CCIN: variants seen among roughly 807,000 people sequenced by gnomAD.
CCIN encodes the protein calicin.
In CCIN, 15 loss-of-function variants were observed where a neutral mutation model predicts 32.2. The observed-to-expected ratio is 0.47, with a 90% CI of 0.31 to 0.72. The LOEUF is 0.72. CCIN is among the 30% of genes least tolerant of loss of function. CCIN has a pLI of 0.05. For synonymous variants in CCIN, 302 were observed against 297.4 expected, an observed-to-expected ratio of 1.02 and a Z score of -0.16; for missense variants, 623 against 759.4, an observed-to-expected ratio of 0.82 and a Z score of 2.11.
At position 36,170,378 on chromosome 9, in the gene CCIN, G is replaced by A; in HGVS notation, c.876G>A (p.Gln292=). 3 of 1,614,182 alleles carry A rather than the reference G, an allele frequency of 1.9e-6. No homozygotes were observed. The highest frequency in any genetic ancestry group is 1.7e-6 in the Non-Finnish European group (2 of 1,180,048). ...VILGGQKAHG[Q]FNDGVFAYII... ...TCGGTGGCCAGAAGGCCCACGGCCA[G>A]TTCAATGATGGAGTGTTTGCTTATA... The change falls in exon 1 of 1, where the codon CAG becomes CAA. Residue 292 remains glutamine, a synonymous_variant. Transcript: ENST00000335119.
In CCIN at chr9:36,169,663, G is replaced by A. The variant is rs760083567; in HGVS notation, c.161G>A (p.Arg54Lys). The A allele has an allele frequency of 1.2e-6, 2 of 1,614,216 alleles. No homozygotes were observed. The highest frequency in any genetic ancestry group is 2.2e-5 in the South Asian group (2 of 91,082). ...NVLAAVSPLV[R>K]SLISSNDMKT... ...CTGGCTGCTGTCTCCCCACTGGTGA[G>A]GAGCCTCATCTCCAGCAATGACATG... The change falls in exon 1 of 1, where the codon AGG becomes AAG. Residue 54 changes from arginine to lysine, a missense_variant. Physicochemically the swap from Arg to Lys is conservative, Grantham distance 26. Transcript: ENST00000335119.
Position 36,169,595 on chromosome 9 carries a change from C to A in CCIN, c.93C>A (p.Ala31=). Residue 31 remains alanine, a synonymous_variant, in exon 1 of 1, where the codon GCC becomes GCA. Transcript: ENST00000335119. The part of the protein sequence containing the change: ...QRKRKEYWDM[A]LSVDNHVFFA... The stretch of plus-strand genomic sequence containing the variant: ...AACGCAAAGAGTACTGGGACATGGC[C>A]CTGAGTGTGGACAACCACGTCTTCT... The A allele has an allele frequency of 6.2e-7, 1 of 1,614,190 alleles. No homozygotes were observed. The highest frequency in any genetic ancestry group is 8.5e-7 in the Non-Finnish European group (1 of 1,180,048).
At position 36,170,211 on chromosome 9, in the gene CCIN, A is replaced by G. The variant is rs1173804031; in HGVS notation, c.709A>G (p.Ser237Gly). ...AVSNKTLVFASNKLVGMENTS... is the reference protein window; with the variant it reads ...AVSNKTLVFAGNKLVGMENTS... ...CTCCAATAAGACGCTGGTGTTTGCCAGCAACAAGCTGGTGGGCATGGAGAA... is the reference window on the plus strand; with the variant it reads ...CTCCAATAAGACGCTGGTGTTTGCCGGCAACAAGCTGGTGGGCATGGAGAA... The change falls in exon 1 of 1, where the codon AGC becomes GGC. Residue 237 changes from serine (S) to glycine (G), a missense_variant. Ser to Gly is a moderately conservative substitution (Grantham distance 56). Transcript: ENST00000335119. 6.2e-7 allele frequency: 1 copy of G among 1,614,200 alleles called. No homozygotes were observed. Among genetic ancestry groups the G allele is most frequent in the Non-Finnish European group, 8.5e-7 (1 of 1,180,034 alleles).
rs367980265 is a variant in CCIN at position 36,169,738 on chromosome 9, C to T, written c.236C>T (p.Pro79Leu). The T allele has an allele frequency of 8.1e-6, 13 of 1,614,026 alleles. No homozygotes were observed. The highest frequency in any genetic ancestry group is 2.7e-5 in the African/African-American group (2 of 74,916). ...ACCATTGACACCAGTTACCTGAGCCCGGTCACAGTGGACCAGCTTCTGGAC... is the reference window on the plus strand; with the variant it reads ...ACCATTGACACCAGTTACCTGAGCCTGGTCACAGTGGACCAGCTTCTGGAC... ...FITIDTSYLS[P>L]VTVDQLLDYF... The change falls in exon 1 of 1, where the codon CCG (proline) becomes CTG (leucine). Residue 79 changes from proline to leucine, a missense_variant. Coordinates refer to ENST00000335119, the MANE Select transcript of CCIN (RefSeq NM_005893.3).
At position 36,169,822 on chromosome 9, in the gene CCIN, G is replaced by C. The variant is rs1826284038; in HGVS notation, c.320G>C (p.Gly107Ala). The change falls in exon 1 of 1, where the codon GGG (glycine) becomes GCG (alanine). Residue 107 changes from glycine (G) to alanine (A), a missense_variant. Gly to Ala is a moderately conservative substitution (Grantham distance 60). Coordinates refer to ENST00000335119, the MANE Select transcript of CCIN (RefSeq NM_005893.3). ...SEQNVEELLR[G>A]AQYFNTPRLR... is the part of the protein sequence containing the mutation. ...CAAAATGTGGAGGAGCTGCTTCGTG[G>C]GGCTCAGTATTTCAACACACCACGC... 1 of 1,613,988 alleles carries C rather than the reference G, an allele frequency of 6.2e-7. No homozygotes were observed. Among genetic ancestry groups the C allele is most frequent in the African/African-American group, 1.3e-5 (1 of 74,882 alleles).
rs770487731 is a variant in CCIN at position 36,170,107 on chromosome 9, T to A, written c.605T>A (p.Ile202Asn). 2 of 1,614,178 alleles carry A rather than the reference T, an allele frequency of 1.2e-6. No homozygotes were observed. Among genetic ancestry groups the A allele is most frequent in the East Asian group, 4.5e-5 (2 of 44,872 alleles). Residue 202 changes from isoleucine to asparagine, a missense_variant, in exon 1 of 1, where the codon ATC becomes AAC. Coordinates refer to ENST00000335119, the MANE Select transcript of CCIN (RefSeq NM_005893.3). ...GAAGACCAGGCGCTCAGCGCACTCA[T>A]CAATTGGGTGTACTTCCGGAAGGAG... ...LNEDQALSAL[I>N]NWVYFRKEDR...
In CCIN at chr9:36,170,928, G is replaced by A. The variant is rs760720616; in HGVS notation, c.1426G>A (p.Asp476Asn). 2 of 1,614,198 alleles carry A rather than the reference G, an allele frequency of 1.2e-6. No individual in the cohort carries two copies. The highest frequency in any genetic ancestry group is 2.2e-5 in the East Asian group (1 of 44,890). ...NHRPLLSFQQ[D>N]NILCVHSHRQ... Reference sequence around the variant, plus strand: ...TCGGCCCCTGCTCTCTTTCCAACAGGACAACATCCTCTGCGTGCACAGCCA... The same window carrying A: ...TCGGCCCCTGCTCTCTTTCCAACAGAACAACATCCTCTGCGTGCACAGCCA... The change falls in exon 1 of 1, where the codon GAC (aspartate) becomes AAC (asparagine). Residue 476 changes from aspartate (D) to asparagine (N), a missense_variant. By Grantham distance (23) the Asp-to-Asn change is conservative. Transcript: ENST00000335119.
Position 36,169,999 on chromosome 9 carries a change from C to T in CCIN, c.497C>T (p.Pro166Leu), listed in dbSNP as rs1254404712. Residue 166 changes from proline to leucine, a missense_variant, in exon 1 of 1, where the codon CCT becomes CTT. Physicochemically the swap from Pro to Leu is moderately conservative, Grantham distance 98. Coordinates refer to ENST00000335119, the MANE Select transcript of CCIN (RefSeq NM_005893.3). Reference protein sequence around the residue: ...IRDNFHYWASPEGSMHFMRCP... With the variant: ...IRDNFHYWASLEGSMHFMRCP... ...GACAACTTCCACTACTGGGCCAGTC[C>T]TGAGGGCTCCATGCACTTCATGCGC... 7 of 1,614,066 alleles carry T rather than the reference C, an allele frequency of 4.3e-6. No homozygotes were observed. The highest frequency in any genetic ancestry group is 5.1e-6 in the Non-Finnish European group (6 of 1,180,034).
Position 36,170,294 on chromosome 9 carries a change from G to T in CCIN, c.792G>T (p.Arg264=). ...TCCTGATGGACCGCAAGCAGGAGCG[G>T]CCATGCAGCCTGCTGGTCTACCAGC... ...ESVLMDRKQE[R]PCSLLVYQRK... is the part of the protein sequence containing the mutation. The change falls in exon 1 of 1, where the codon CGG becomes CGT. Residue 264 remains arginine, a synonymous_variant. Transcript: ENST00000335119. The T allele has an allele frequency of 1.2e-5, 20 of 1,614,132 alleles. No homozygotes were observed. The highest frequency in any genetic ancestry group is 1.6e-5 in the Non-Finnish European group (19 of 1,180,026).
rs771115986 is a variant in CCIN, at chr9:36,170,754, G to A, written c.1252G>A (p.Val418Met). Residue 418 changes from valine (V) to methionine (M), a missense_variant, in exon 1 of 1, where the codon GTG (valine) becomes ATG (methionine). Coordinates refer to ENST00000335119, the MANE Select transcript of CCIN (RefSeq NM_005893.3). ...KMSIPMDGTA[V>M]ITKGDRHLYI... ...GAGCATCCCCATGGATGGCACCGCC[G>A]TGATCACTAAAGGAGACAGGCATCT... 40 of 1,614,294 alleles carry A rather than the reference G, an allele frequency of 2.5e-5. No individual in the cohort carries two copies. In the South Asian group the frequency reaches 3.4e-4, roughly 14 times the overall value.
chr9:36,169,726 G>T lies in CCIN; in HGVS notation c.224G>T (p.Ser75Ile). 6.2e-7 allele frequency: 1 copy of T among 1,614,030 alleles called. No individual in the cohort carries two copies. Among genetic ancestry groups the T allele is most frequent in the East Asian group, 2.2e-5 (1 of 44,878 alleles). ...ADELFITIDT[S>I]YLSPVTVDQL... The stretch of plus-strand genomic sequence containing the variant: ...GAGCTTTTCATCACCATTGACACCA[G>T]TTACCTGAGCCCGGTCACAGTGGAC... The change falls in exon 1 of 1, where the codon AGT becomes ATT. Residue 75 changes from serine to isoleucine, a missense_variant. Coordinates refer to ENST00000335119, the MANE Select transcript of CCIN (RefSeq NM_005893.3).
Position 36,170,466 on chromosome 9 carries a change from G to A in CCIN, c.964G>A (p.Ala322Thr). 8 of 1,614,090 alleles carry A rather than the reference G, an allele frequency of 5.0e-6. No homozygotes were observed. Among genetic ancestry groups the A allele is most frequent in the Non-Finnish European group, 6.8e-6 (8 of 1,180,042 alleles). Residue 322 changes from alanine (A) to threonine (T), a missense_variant, in exon 1 of 1, where the codon GCC becomes ACC. Coordinates refer to ENST00000335119, the MANE Select transcript of CCIN (RefSeq NM_005893.3). ...DMPYRAAALSATSAGRYIYIS... is the reference protein window; with the variant it reads ...DMPYRAAALSTTSAGRYIYIS... ...GCCCTATCGGGCAGCAGCACTTAGT[G>A]CCACCTCTGCTGGTCGCTACATCTA...
In CCIN at chr9:36,170,698, G is replaced by A. The variant is rs761318606; in HGVS notation, c.1196G>A (p.Arg399Gln). The change falls in exon 1 of 1, where the codon CGG (arginine) becomes CAG (glutamine). Residue 399 changes from arginine to glutamine, a missense_variant. By Grantham distance (43) the Arg-to-Gln change is conservative. Transcript: ENST00000335119. ...TCCAACATCTATCGCTATGATGAGC[G>A]GAAGGAAGTCTGGTGCCTGGCAGGA... is the stretch of plus-strand genomic sequence containing the variant. The part of the protein sequence containing the change: ...YVSNIYRYDE[R>Q]KEVWCLAGKM... The A allele has an allele frequency of 2.8e-5, 45 of 1,614,164 alleles. 1 individual carries two copies. Among genetic ancestry groups the A allele is most frequent in the South Asian group, 2.6e-4 (24 of 91,094 alleles).
rs934956815 is a variant in CCIN at position 36,170,194 on chromosome 9, A to C, written c.692A>C (p.Lys231Thr). The change falls in exon 1 of 1, where the codon AAG (lysine) becomes ACG (threonine). Residue 231 changes from lysine to threonine, a missense_variant. Lys to Thr is a moderately conservative substitution (Grantham distance 78). Coordinates refer to ENST00000335119, the MANE Select transcript of CCIN (RefSeq NM_005893.3). ...ATCAATCTCAATGCTGTCTCCAATAAGACGCTGGTGTTTGCCAGCAACAAG... is the reference window on the plus strand; with the variant it reads ...ATCAATCTCAATGCTGTCTCCAATACGACGCTGGTGTTTGCCAGCAACAAG... ...NYINLNAVSN[K>T]TLVFASNKLV... is the part of the protein sequence containing the mutation. 6.2e-7 allele frequency: 1 copy of C among 1,614,106 alleles called. No homozygotes were observed. The highest frequency in any genetic ancestry group is 8.5e-7 in the Non-Finnish European group (1 of 1,180,050).
In CCIN at chr9:36,170,635, A is replaced by G; in HGVS notation, c.1133A>G (p.Tyr378Cys). 6.2e-7 allele frequency: 1 copy of G among 1,614,146 alleles called. No individual in the cohort carries two copies. Among genetic ancestry groups the G allele is most frequent in the Non-Finnish European group, 8.5e-7 (1 of 1,180,016 alleles). The change falls in exon 1 of 1, where the codon TAC becomes TGC. Residue 378 changes from tyrosine to cysteine, a missense_variant. Transcript: ENST00000335119. ...ATGGTGACCTGTGGGGGGACAGTGT[A>G]CTCAGTGGGCGGGAGCATTGCCCCA... ...HTMVTCGGTV[Y>C]SVGGSIAPRR...
chr9:36,170,487 A>C lies in CCIN; in HGVS notation c.985A>C (p.Ile329Leu). The C allele has an allele frequency of 6.2e-7, 1 of 1,614,170 alleles. No homozygotes were observed. Among genetic ancestry groups the C allele is most frequent in the Non-Finnish European group, 8.5e-7 (1 of 1,180,038 alleles). The part of the protein sequence containing the change: ...ALSATSAGRY[I>L]YISGGTTEQI... ...TAGTGCCACCTCTGCTGGTCGCTAC[A>C]TCTACATCTCTGGTGGCACCACTGA... The change falls in exon 1 of 1, where the codon ATC (isoleucine) becomes CTC (leucine). Residue 329 changes from isoleucine to leucine, a missense_variant. By Grantham distance (5) the Ile-to-Leu change is conservative. Transcript: ENST00000335119.
At position 36,170,111 on chromosome 9, in the gene CCIN, T is replaced by G; in HGVS notation, c.609T>G (p.Asn203Lys). The change falls in exon 1 of 1, where the codon AAT becomes AAG. Residue 203 changes from asparagine to lysine, a missense_variant. Transcript: ENST00000335119. ...NEDQALSALI[N>K]WVYFRKEDRE... Reference sequence around the variant, plus strand: ...ACCAGGCGCTCAGCGCACTCATCAATTGGGTGTACTTCCGGAAGGAGGATC... The same window carrying G: ...ACCAGGCGCTCAGCGCACTCATCAAGTGGGTGTACTTCCGGAAGGAGGATC... 1.9e-6 allele frequency: 3 copies of G among 1,614,194 alleles called. No individual in the cohort carries two copies. The highest frequency in any genetic ancestry group is 2.5e-6 in the Non-Finnish European group (3 of 1,180,032).
chr9:36,171,104 C>A lies in CCIN; in HGVS notation c.1602C>A (p.Thr534=), dbSNP rs1164763612. Residue 534 remains threonine (T), a synonymous_variant, in exon 1 of 1, where the codon ACC becomes ACA. Transcript: ENST00000335119. The part of the protein sequence containing the change: ...DSKVFVCGGV[T]TASDVQTKDY... ...AGGTGTTTGTATGTGGGGGTGTCAC[C>A]ACTGCCAGCGATGTCCAGACAAAGG... 5 of 1,614,066 alleles carry A rather than the reference C, an allele frequency of 3.1e-6. No individual in the cohort carries two copies. In the South Asian group the frequency reaches 3.3e-5, roughly 11 times the overall value.
Position 36,170,763 on chromosome 9 carries a change from A to G in CCIN, c.1261A>G (p.Lys421Glu), listed in dbSNP as rs746226711. 6.2e-7 allele frequency: 1 copy of G among 1,614,142 alleles called. No homozygotes were observed. Among genetic ancestry groups the G allele is most frequent in the Non-Finnish European group, 8.5e-7 (1 of 1,180,052 alleles). Residue 421 changes from lysine to glutamate, a missense_variant, in exon 1 of 1, where the codon AAA becomes GAA. Lys to Glu is a moderately conservative substitution (Grantham distance 56). Coordinates refer to ENST00000335119, the MANE Select transcript of CCIN (RefSeq NM_005893.3). ...IPMDGTAVITKGDRHLYIVTG... is the reference protein window; with the variant it reads ...IPMDGTAVITEGDRHLYIVTG... ...CATGGATGGCACCGCCGTGATCACT[A>G]AAGGAGACAGGCATCTGTACATTGT...
Sources: gnomAD v4.1 joint callset for allele counts on GRCh38, gnomAD v4.1.1 for gene constraint, MANE v1.5 for transcripts, NCBI Gene and HGNC (gene_info 2026-07-23, HGNC 2026-07-21) for gene names.